The following USP30 variants were observed in gnomAD, a reference collection of about 807,000 sequenced individuals.
USP30 encodes ubiquitin carboxyl-terminal hydrolase 30.
A neutral mutation model predicts 68.2 loss-of-function variants in USP30; 41 were observed. The observed-to-expected ratio is 0.60, with a 90% CI of 0.47 to 0.78. The LOEUF (loss-of-function observed/expected upper bound fraction) is 0.78, where lower values mean the gene tolerates loss of function less well. USP30 is among the 30% of genes least tolerant of loss of function. The probability of loss-of-function intolerance (pLI) is 0.00; values close to 1 mark genes in which losing one functional copy is unlikely to be tolerated. For synonymous variants in USP30, 229 were observed against 253.7 expected (o/e 0.90, Z 0.93); for missense variants, 522 against 649.4 (o/e 0.80, Z 2.13).
intron 7 of USP30, among the ~76,000 whole-genome samples, chr12:109,080,233 G>T (rs1358636769): frequency 6.6e-6 from 1 of 152,112 alleles, no homozygotes; most frequent in African/African-American, 2.4e-5. Context: ...CTCTCCACCA[G>T]CCCTGATTCT....
intron 1 of USP30, chr12:109,053,950 C>CGTGA: frequency 2.2e-6 from 1 of 455,190 alleles, no homozygotes; most frequent in Non-Finnish European, 4.4e-6. Context: ...TGTTCCTTCA[C>CGTGA]TCACTGTGAC....
At chr12:109,069,803 G>A (rs1426162755) in intron 4 of USP30, among the ~76,000 whole-genome samples, 3 of 152,206 alleles carry the variant, frequency 2.0e-5, no homozygotes, top group Non-Finnish European at 4.4e-5. Context: ...ACTGCTCCAG[G>A]TAGGGAGGCT....
intron 3 of USP30, among the ~76,000 whole-genome samples, 190 bp from the exon 4 acceptor site, chr12:109,067,334 A>C (rs1340324166): frequency 1.3e-5 from 2 of 151,604 alleles, no homozygotes; most frequent in Admixed American, 1.3e-4. Context: ...AGCCAGGATG[A>C]TCTGGATCTC....
At chr12:109,071,417 C>T (rs1180402499) in intron 4 of USP30, among the ~76,000 whole-genome samples, 195 bp from the exon 5 acceptor site, 1 of 152,200 alleles carries the variant, frequency 6.6e-6, no homozygotes, top group Non-Finnish European at 1.5e-5. Flanking sequence ...CTCTCTGCTC[C>T]TGGACCTCTT....
intron 3 of USP30, among the ~76,000 whole-genome samples, chr12:109,037,515 TATATAATATA>T (rs1237341379): frequency 1.3e-5 from 2 of 152,200 alleles, no homozygotes; most frequent in Admixed American, 1.3e-4. Flanking sequence ...CTGAGCATTT[TATATAATATA>T]ATATGGCAAC....
intron 3 of USP30, among the ~76,000 whole-genome samples, chr12:109,035,325 C>T (rs902531642): frequency 1.3e-5 from 2 of 151,556 alleles, no homozygotes; most frequent in Non-Finnish European, 2.9e-5. Context: ...TGGAGATTAC[C>T]ATTACCATTT....
chr12:109,064,860 TG>T (rs1209481843), intron 3 of USP30, among the ~76,000 whole-genome samples: 1 of 146,938 alleles, frequency 6.8e-6, no homozygotes, highest in African/African-American at 2.5e-5. Context: ...AATTTTCCTT[TG>T]GGGGGTAGTT....
rs534394829 is a variant in USP30, at chr12:109,052,766, G to C, written c.83+5G>C. 4.1e-6 allele frequency: 6 copies of C among 1,447,022 alleles called. No individual in the cohort carries two copies. The highest frequency in any genetic ancestry group is 4.5e-6 in the Non-Finnish European group (5 of 1,100,148). The allele number at this position is 1,447,022 out of a possible 1,614,324, so 89.6% of individuals were successfully genotyped here. A position where few individuals can be genotyped will look rare whatever the true frequency, so the allele number is the denominator to read the frequency against. ...GCGGACCGGGGCGGCCGTCAGGTGA[G>C]ATTTTGGGGGGCGGGGCTGCCGAAG... On this transcript the variant is annotated splice_donor_5th_base_variant and intron_variant, in intron 1 of 12. Transcript: ENST00000257548.
chr12:109,081,623 G>GCGCGCA lies in USP30; in HGVS notation c.780+231_780+232insGCGCAC, dbSNP rs886662557. ...TTTGAATACACACGCACGCATGCGC[G>GCGCGCA]CACACACACACACACACACACACAC... On this transcript the variant is annotated intron_variant, in intron 8 of 12. Coordinates refer to ENST00000257548, the MANE Select transcript of USP30 (RefSeq NM_032663.5). The GCGCGCA allele has an allele frequency of 1.5e-3, 773 of 500,462 alleles. 2 individuals are homozygous for GCGCGCA. The highest frequency in any genetic ancestry group is 9.7e-3 in the South Asian group (373 of 38,620). The allele number at this position is 500,462 out of a possible 1,614,324, so 31.0% of individuals were successfully genotyped here.
rs1456637823 is a variant in USP30, at chr12:109,086,842, T to A, written c.*911T>A. ...GGGAGCTTGGGGCTGTATAAAAAAA[T>A]AATCCCTGCCCTGAGTTGACACCTG... On this transcript the variant is annotated 3_prime_UTR_variant, in exon 13 of 13. Coordinates refer to ENST00000257548, the MANE Select transcript of USP30 (RefSeq NM_032663.5). 3 of 152,208 alleles carry A rather than the reference T, an allele frequency of 2.0e-5. No individual in the cohort carries two copies. The highest frequency in any genetic ancestry group is 7.2e-5 in the African/African-American group (3 of 41,444). The allele number at this position is 152,208 out of a possible 1,614,324, so 9.4% of individuals were successfully genotyped here.
At chr12:109,055,878 G>T (rs867657983) in intron 1 of USP30, among the ~76,000 whole-genome samples, 6 of 151,688 alleles carry the variant, frequency 4.0e-5, no homozygotes, top group South Asian at 2.1e-4. Flanking sequence ...TTAGAAGGTG[G>T]TTAAGTTCTA....
At chr12:109,066,955 C>T (rs1193373504) in intron 3 of USP30, among the ~76,000 whole-genome samples, 1 of 152,072 alleles carries the variant, frequency 6.6e-6, no homozygotes, top group Non-Finnish European at 1.5e-5. Flanking sequence ...TTTGAAGATA[C>T]AGGAATCGGT....
At chr12:109,071,200 C>T (rs948656127) in intron 4 of USP30, among the ~76,000 whole-genome samples, 3 of 152,156 alleles carry the variant, frequency 2.0e-5, no homozygotes, top group African/African-American at 7.2e-5. Context: ...AGATGGATGG[C>T]AGTGATGATT....
In USP30 at chr12:109,086,982, AAGG is replaced by A. The variant is rs1161360916; in HGVS notation, c.*1054_*1056del. The A allele has an allele frequency of 6.6e-6, 1 of 152,056 alleles. No individual in the cohort carries two copies. The highest frequency in any genetic ancestry group is 1.9e-4 in the East Asian group (1 of 5,198). The allele number at this position is 152,056 out of a possible 1,614,324, so 9.4% of individuals were successfully genotyped here. A position where few individuals can be genotyped will look rare whatever the true frequency, so the allele number is the denominator to read the frequency against. ...ACCAAAGTTCAGCCCTTTTCACGAA[AAGG>A]AGAAAGCAGCTTTTGACTTTTTAAA... On this transcript the variant is annotated 3_prime_UTR_variant, in exon 13 of 13. Transcript: ENST00000257548.
chr12:109,051,622 T>A (rs1210027670), upstream of USP30, among the ~76,000 whole-genome samples: 2 of 141,692 alleles, frequency 1.4e-5, no homozygotes, highest in Non-Finnish European at 3.0e-5. Context: ...CAGGCTGGAA[T>A]GCAGTGGCAT....
At chr12:109,071,343 T>G (rs780515923) in intron 4 of USP30, among the ~76,000 whole-genome samples, 2 of 152,236 alleles carry the variant, frequency 1.3e-5, no homozygotes, top group African/African-American at 2.4e-5. Flanking sequence ...CAAGGCTGTC[T>G]CAGTGAAACA....
chr12:109,041,959 T>C (rs1282474556), intron 3 of USP30, among the ~76,000 whole-genome samples: 2 of 152,280 alleles, frequency 1.3e-5, no homozygotes, highest in African/African-American at 2.4e-5. Flanking sequence ...TCTCAAATTA[T>C]TTTTTAATTA....
upstream of USP30, chr12:109,052,548 G>A (rs2040692543): frequency 1.1e-5 from 10 of 905,762 alleles, no homozygotes; most frequent in South Asian, 6.1e-5. Flanking sequence ...CTGTCCTGCG[G>A]TCTACGTTCC....
intron 7 of USP30, among the ~76,000 whole-genome samples, chr12:109,079,363 T>C (rs1320367573): frequency 5.0e-5 from 6 of 120,858 alleles, no homozygotes; most frequent in Non-Finnish European, 7.0e-5. Flanking sequence ...TTTTTTTTTT[T>C]TTTTTTTTTT....
Sources: allele counts gnomAD v4.1 joint callset (sites outside exome capture counted in the v4.1 genomes callset), GRCh38; gene constraint gnomAD v4.1.1; transcripts MANE v1.5; gene names NCBI Gene and HGNC (gene_info 2026-07-23, HGNC 2026-07-21).